The following SLC16A7 variants were observed in gnomAD, a reference collection of about 807,000 sequenced individuals.
The protein encoded by SLC16A7 is solute carrier family 16 member 7.
A neutral mutation model predicts 34.9 loss-of-function variants in SLC16A7; 33 were observed. The observed-to-expected ratio is 0.94, with a 90% confidence interval of 0.72 to 1.26. SLC16A7 has a LOEUF of 1.26. Among genes scored for constraint, SLC16A7 ranks in the 50% most tolerant of loss-of-function variants. The pLI is 0.00. For missense variants in SLC16A7, 573 were observed against 578.1 expected, an observed-to-expected ratio of 0.99 and a Z score of 0.09; for synonymous variants, 201 against 206.6, an observed-to-expected ratio of 0.97 and a Z score of 0.23.
intron 3 of SLC16A7, among the ~76,000 whole-genome samples, chr12:59,709,017 A>G (rs536877542): frequency 6.6e-6 from 1 of 151,642 alleles, no homozygotes; most frequent in Non-Finnish European, 1.5e-5. Context: ...GAGGTAGAAA[A>G]CATAATTTAA....
intron 3 of SLC16A7, among the ~76,000 whole-genome samples, chr12:59,712,934 GT>G (rs111903811): frequency 2.8e-4 from 42 of 152,226 alleles, no homozygotes; most frequent in African/African-American, 9.6e-4. Flanking sequence ...TCCTAGTGAG[GT>G]CTAGCATGAA....
chr12:59,737,402 G>T (rs1017321816), intron 3 of SLC16A7, among the ~76,000 whole-genome samples: 1 of 152,180 alleles, frequency 6.6e-6, no homozygotes, highest in African/African-American at 2.4e-5. Flanking sequence ...TCTAAGGAGT[G>T]ATTTTTGCTT....
At chr12:59,632,988 C>T (rs1476775440) in intron 1 of SLC16A7, among the ~76,000 whole-genome samples, 1 of 151,904 alleles carries the variant, frequency 6.6e-6, no homozygotes, top group Non-Finnish European at 1.5e-5. Context: ...GGTGAGGTAT[C>T]TATTCTGCTC....
In SLC16A7 at chr12:59,779,481, T is replaced by A. The variant is rs758466940; in HGVS notation, c.1239T>A (p.Ile413=). 1.4e-5 allele frequency: 23 copies of A among 1,611,718 alleles called. No individual in the cohort carries two copies. Among genetic ancestry groups the A allele is most frequent in the Non-Finnish European group, 2.0e-5 (23 of 1,178,062 alleles). The change falls in exon 6 of 6, where the codon ATT becomes ATA. Residue 413 remains isoleucine (I), a synonymous_variant. Coordinates refer to ENST00000547379, the MANE Select transcript of SLC16A7 (RefSeq NM_001270623.2). ...YKYMYMSCGA[I]VVAASVWLLI... The stretch of plus-strand genomic sequence containing the variant: ...ACATGTACATGTCCTGTGGGGCTAT[T>A]GTGGTAGCAGCAAGCGTGTGGCTGC...
At chr12:59,643,807 G>T (rs1880787953) in intron 1 of SLC16A7, among the ~76,000 whole-genome samples, 1 of 152,112 alleles carries the variant, frequency 6.6e-6, no homozygotes. Context: ...CAAACTATGT[G>T]GTATTCTTGA....
At chr12:59,681,067 C>A (rs1870707591) in intron 2 of SLC16A7, among the ~76,000 whole-genome samples, 1 of 152,162 alleles carries the variant, frequency 6.6e-6, no homozygotes, top group African/African-American at 2.4e-5. Flanking sequence ...CCCAAAGACC[C>A]AAAGCTGAGG....
chr12:59,604,650 ATTT>A (rs904056037), intron 1 of SLC16A7, among the ~76,000 whole-genome samples: 63 of 152,316 alleles, frequency 4.1e-4, no homozygotes, highest in African/African-American at 1.3e-3. Context: ...ATGAGGAAGC[ATTT>A]TTGTTATCCT....
rs536025200 is a variant in SLC16A7, at chr12:59,687,348, A to G, written c.-30-17424A>G. Among the ~76,000 whole-genome samples, 3 of 152,194 alleles carry G rather than the reference A, an allele frequency of 2.0e-5. No homozygotes were observed. The East Asian group carries it at 5.8e-4, about 30-fold the overall frequency. On this transcript the variant is annotated intron_variant, in intron 2 of 5. Transcript: ENST00000547379. ...AGTAACCTTCTAAATGTAGCTAATT[A>G]CCACCAACTCATGCAAGCAGCAACA...
intron 2 of SLC16A7, among the ~76,000 whole-genome samples, chr12:59,655,973 C>CTT (rs969203909): frequency 5.3e-5 from 8 of 152,140 alleles, no homozygotes; most frequent in African/African-American, 1.9e-4. Context: ...AGTCTATACT[C>CTT]TTTCAAATGA....
At chr12:59,629,251 T>C (rs1880072649) in intron 1 of SLC16A7, among the ~76,000 whole-genome samples, 2 of 151,858 alleles carry the variant, frequency 1.3e-5, no homozygotes, top group Non-Finnish European at 2.9e-5. Flanking sequence ...GCCTTAAAAA[T>C]ATGAATTTTG....
At chr12:59,685,325 G>A (rs1871071699) in intron 2 of SLC16A7, among the ~76,000 whole-genome samples, 1 of 152,114 alleles carries the variant, frequency 6.6e-6, no homozygotes, top group African/African-American at 2.4e-5. Flanking sequence ...CATTTCCTTG[G>A]AGAGGATTTT....
At chr12:59,638,155 A>G (rs1459945568) in intron 1 of SLC16A7, among the ~76,000 whole-genome samples, 1 of 152,184 alleles carries the variant, frequency 6.6e-6, no homozygotes, top group Non-Finnish European at 1.5e-5. Context: ...AAGTATGGGT[A>G]AAATGAAATG....
chr12:59,663,917 G>A (rs1205165179), intron 2 of SLC16A7, among the ~76,000 whole-genome samples: 1 of 151,952 alleles, frequency 6.6e-6, no homozygotes, highest in Non-Finnish European at 1.5e-5. Flanking sequence ...TCTTTGGGAA[G>A]CATATTTTAC....
At chr12:59,746,317 C>G (rs1565690472) in intron 3 of SLC16A7, among the ~76,000 whole-genome samples, 1 of 152,080 alleles carries the variant, frequency 6.6e-6, no homozygotes, top group Middle Eastern at 3.2e-3. Context: ...ATGAAATCAG[C>G]AATACAAGAG....
intron 1 of SLC16A7, among the ~76,000 whole-genome samples, chr12:59,651,383 A>T (rs1272213304): frequency 6.6e-6 from 1 of 152,144 alleles, no homozygotes; most frequent in Non-Finnish European, 1.5e-5. Flanking sequence ...GATTCCATTC[A>T]TGTAACTGTA....
At chr12:59,724,932 A>G (rs959737278) in intron 3 of SLC16A7, among the ~76,000 whole-genome samples, 5 of 151,474 alleles carry the variant, frequency 3.3e-5, no homozygotes, top group African/African-American at 9.8e-5. Context: ...GAAAATACCA[A>G]TAAATTAGAT....
Position 59,775,481 on chromosome 12 carries a change from A to T in SLC16A7, c.1180+6A>T, listed in dbSNP as rs762717270. On this transcript the variant is annotated splice_donor_region_variant and intron_variant, in intron 5 of 5. Coordinates refer to ENST00000547379, the MANE Select transcript of SLC16A7 (RefSeq NM_001270623.2). ...TCTTGGCCCTCCTCTTGCAGGTAAG[A>T]ACGTTTTTCATCAAGGAAAATGTAA... The T allele has an allele frequency of 6.2e-7, 1 of 1,604,362 alleles. No individual in the cohort carries two copies. Among genetic ancestry groups the T allele is most frequent in the Admixed American group, 1.7e-5 (1 of 59,480 alleles).
intron 3 of SLC16A7, among the ~76,000 whole-genome samples, chr12:59,741,105 A>G (rs1216868247): frequency 1.3e-5 from 2 of 152,166 alleles, no homozygotes; most frequent in Non-Finnish European, 2.9e-5. Context: ...ATGGTTAGGA[A>G]GAATCAATAT....
chr12:59,731,799 A>G lies in SLC16A7; in HGVS notation c.217+26781A>G, dbSNP rs536055034. Among the ~76,000 whole-genome samples, 99 of 152,266 alleles carry G rather than the reference A, an allele frequency of 6.5e-4. 1 individual carries two copies. The highest frequency in any genetic ancestry group is 2.3e-3 in the African/African-American group (96 of 41,566). ...TAAACAAATATTGTTTCATACCATCATGGCATTTTGTAATGAGGATTTAAC... is the reference window on the plus strand; with the variant it reads ...TAAACAAATATTGTTTCATACCATCGTGGCATTTTGTAATGAGGATTTAAC... On this transcript the variant is annotated intron_variant, in intron 3 of 5. Coordinates refer to ENST00000547379, the MANE Select transcript of SLC16A7 (RefSeq NM_001270623.2).
Sources: gnomAD v4.1 joint callset for allele counts (sites outside exome capture counted in the v4.1 genomes callset) on GRCh38, gnomAD v4.1.1 for gene constraint, MANE v1.5 for transcripts, NCBI Gene and HGNC (gene_info 2026-07-23, HGNC 2026-07-21) for gene names.